DDX52: variants seen among roughly 807,000 people sequenced by gnomAD.
DDX52 encodes probable ATP-dependent RNA helicase DDX52.
Under a neutral mutation model 76.1 loss-of-function variants are expected in DDX52, and 59 were observed. That is an observed-to-expected ratio of 0.78 (90% confidence interval 0.63 to 0.96). DDX52 has a LOEUF of 0.96. Ranked by LOEUF, DDX52 falls within the 40% of genes least tolerant of loss-of-function variation. The pLI is 0.00. For synonymous variants in DDX52, 231 were observed against 244.1 expected (o/e 0.95, Z 0.50); for missense variants, 707 against 703.9 (o/e 1.00, Z -0.05).
chr17:37,643,251 G>T, intron 1 of DDX52, 83 bp downstream of exon 1: 1 of 1,446,612 alleles, frequency 6.9e-7, no homozygotes. Context: ...GTCCAAGTGC[G>T]CCGGCCTCCC....
chr17:37,624,334 A>G lies in DDX52; in HGVS notation c.1227+10T>C. The G allele has an allele frequency of 6.3e-7, 1 of 1,597,830 alleles. No individual in the cohort carries two copies. On this transcript the variant is annotated intron_variant, in intron 9 of 14. Coordinates refer to ENST00000617633, the MANE Select transcript of DDX52 (RefSeq NM_007010.5). The stretch of plus-strand genomic sequence containing the variant: ...CTTTACCAAAATTCAAGAAGGTAAT[A>G]CAAATATACCTTTTTAACAAGTTCT...
rs2064383677 is a variant in DDX52 at position 37,612,861 on chromosome 17, G to A, written c.*1435C>T. On this transcript the variant is annotated 3_prime_UTR_variant, in exon 15 of 15. Transcript: ENST00000617633. ...AGAACTTACTCAAAGTCACACAGCT[G>A]GCAAATGGGTTGCACCAGTATACCT... 1.3e-5 allele frequency: 2 copies of A among 152,128 alleles called. No homozygotes were observed. Among genetic ancestry groups the A allele is most frequent in the African/African-American group, 4.8e-5 (2 of 41,420 alleles). The allele number at this position is 152,128 out of a possible 1,614,324, so 9.4% of individuals were successfully genotyped here. A position where few individuals can be genotyped will look rare whatever the true frequency, so the allele number is the denominator to read the frequency against.
chr17:37,641,228 T>A (rs192299259), intron 2 of DDX52, among the ~76,000 whole-genome samples: 32 of 151,638 alleles, frequency 2.1e-4, no homozygotes, highest in Admixed American at 1.8e-3. Context: ...CGATGAAACC[T>A]GGTCTCTACT....
chr17:37,626,801 T>C lies in DDX52; in HGVS notation c.919A>G (p.Ile307Val). 6.2e-7 allele frequency: 1 copy of C among 1,611,990 alleles called. No individual in the cohort carries two copies. The highest frequency in any genetic ancestry group is 1.1e-5 in the South Asian group (1 of 90,476). ...IYLLKQDPPG[I>V]DLASVEWLVV... ...TATCATCTATACCTTGCTAGGTCGA[T>C]TCCGGGGGGATCTTGCTTTAATAAA... The change falls in exon 7 of 15, where the codon ATC (isoleucine) becomes GTC (valine). Residue 307 changes from isoleucine to valine, a missense_variant. Coordinates refer to ENST00000617633, the MANE Select transcript of DDX52 (RefSeq NM_007010.5).
rs759529612 is a variant in DDX52 at position 37,621,517 on chromosome 17, A to C, written c.1231T>G (p.Phe411Val). ...ACAAAAACAAGAACAGGTGGATTGAAACCCTAAAAGAAGACAAAAATTGGC... is the reference window on the plus strand; with the variant it reads ...ACAAAAACAAGAACAGGTGGATTGACACCCTAAAAGAAGACAAAAATTGGC... ...LAVRELVKKGFNPPVLVFVQS... is the reference protein window; with the variant it reads ...LAVRELVKKGVNPPVLVFVQS... The change falls in exon 10 of 15, where the codon TTC becomes GTC. Residue 411 changes from phenylalanine to valine, a missense_variant. Phe to Val is a conservative substitution (Grantham distance 50). Coordinates refer to ENST00000617633, the MANE Select transcript of DDX52 (RefSeq NM_007010.5). 8 of 1,608,444 alleles carry C rather than the reference A, an allele frequency of 5.0e-6. No homozygotes were observed. In the South Asian group the frequency reaches 9.0e-5, roughly 18 times the overall value.
chr17:37,632,055 G>A (rs1435029561), intron 4 of DDX52, 58 bp downstream of exon 4: 5 of 1,605,676 alleles, frequency 3.1e-6, no homozygotes, highest in Non-Finnish European at 4.3e-6. Flanking sequence ...AGAGGGAAGA[G>A]AATGAGCAAA....
intron 14 of DDX52, among the ~76,000 whole-genome samples, chr17:37,618,060 A>C (rs2029887987): frequency 6.6e-6 from 1 of 152,232 alleles, no homozygotes; most frequent in Admixed American, 6.5e-5. Context: ...GGTTGCAGTG[A>C]GCTGAGATCA....
intron 2 of DDX52, among the ~76,000 whole-genome samples, chr17:37,634,204 C>T (rs1598765202): frequency 6.6e-6 from 1 of 151,866 alleles, no homozygotes; most frequent in African/African-American, 2.4e-5. Flanking sequence ...CCGCCTCGGC[C>T]TCTCACAGTG....
chr17:37,618,362 T>G lies in DDX52; in HGVS notation c.1672A>C (p.Lys558Gln). 1 of 1,587,176 alleles carries G rather than the reference T, an allele frequency of 6.3e-7. No homozygotes were observed. The highest frequency in any genetic ancestry group is 1.2e-5 in the South Asian group (1 of 84,822). ...ATGCTCTCCCTTTCCAATGGTTTCT[T>G]AATCATCTTTTTCTTTTGTTTGCTG... ...LLSKQKKKMI[K>Q]KPLERESIST... Residue 558 changes from lysine to glutamine, a missense_variant, in exon 14 of 15, where the codon AAG (lysine) becomes CAG (glutamine). Physicochemically the swap from Lys to Gln is moderately conservative, Grantham distance 53 (BLOSUM62 1). Transcript: ENST00000617633.
intron 5 of DDX52, 80 bp from the exon 6 acceptor site, chr17:37,628,752 A>T: frequency 3.0e-6 from 3 of 1,004,324 alleles, no homozygotes; most frequent in Non-Finnish European, 2.9e-6. Flanking sequence ...TTAATGAAAT[A>T]AATCTATTAC....
At chr17:37,619,975 T>A in intron 12 of DDX52, 136 bp from the exon 13 acceptor site, 1 of 778,108 alleles carries the variant, frequency 1.3e-6, no homozygotes, top group Non-Finnish European at 2.1e-6. Context: ...TATTATCAAT[T>A]ATTACCTGAT....
chr17:37,630,250 G>A, intron 4 of DDX52, 77 bp from the exon 5 acceptor site: 1 of 1,387,882 alleles, frequency 7.2e-7, no homozygotes, highest in Non-Finnish European at 9.6e-7. Context: ...AACGCTACCA[G>A]CCATAGAAAA....
Position 37,614,172 on chromosome 17 carries a change from T to G in DDX52, c.*124A>C. ...AGGATCATTTATCACCAGTCCCATG[T>G]ACTTGTAGTTGATTTCAAATGTTTG... On this transcript the variant is annotated 3_prime_UTR_variant, in exon 15 of 15. Transcript: ENST00000617633. The G allele has an allele frequency of 3.1e-6, 3 of 961,778 alleles. No homozygotes were observed. The highest frequency in any genetic ancestry group is 4.6e-6 in the Non-Finnish European group (3 of 653,204). 59.6% of individuals were successfully genotyped at this position (961,778 alleles called of 1,614,324 possible).
chr17:37,628,456 T>C (rs1315753827), intron 6 of DDX52, 105 bp downstream of exon 6: 9 of 932,380 alleles, frequency 9.7e-6, no homozygotes, highest in Admixed American at 2.7e-5. Flanking sequence ...TCAAATTTTA[T>C]ACATACATGA....
intron 12 of DDX52, 67 bp downstream of exon 12, chr17:37,620,806 T>C (rs2030044210): frequency 5.7e-6 from 8 of 1,403,954 alleles, no homozygotes; most frequent in East Asian, 2.6e-5. Flanking sequence ...TATCTCTTAA[T>C]TGAATATACA....
chr17:37,641,850 C>A (rs1235436443), intron 2 of DDX52, among the ~76,000 whole-genome samples: 1 of 152,090 alleles, frequency 6.6e-6, no homozygotes, highest in African/African-American at 2.4e-5. Context: ...AGGGTACATA[C>A]CCTTTCACCA....
At position 37,619,928 on chromosome 17, in the gene DDX52, T is replaced by C. The variant is rs2029995860; in HGVS notation, c.1578-89A>G. 6 of 1,267,068 alleles carry C rather than the reference T, an allele frequency of 4.7e-6. No individual in the cohort carries two copies. In the South Asian group the frequency reaches 7.7e-5, roughly 16 times the overall value. 78.5% of individuals were successfully genotyped at this position (1,267,068 alleles called of 1,614,324 possible). A position where few individuals can be genotyped will look rare whatever the true frequency, so the allele number is the denominator to read the frequency against. ...CCCTCTGCACAACCTTACAGGGAAC[T>C]AAAACTACACAAAGTAATCCACAAA... On this transcript the variant is annotated intron_variant, in intron 12 of 14. Transcript: ENST00000617633.
intron 2 of DDX52, among the ~76,000 whole-genome samples, chr17:37,635,863 G>A (rs2030900748): frequency 6.6e-6 from 1 of 152,142 alleles, no homozygotes; most frequent in African/African-American, 2.4e-5. Flanking sequence ...ACTTGGTATG[G>A]TCACTCTTTT....
chr17:37,619,853 C>T lies in DDX52; in HGVS notation c.1578-14G>A. On this transcript the variant is annotated splice_polypyrimidine_tract_variant and intron_variant, in intron 12 of 14. Transcript: ENST00000617633. ...ACATTAGCAACGCTGAAAAAGAAAC[C>T]CATAAACATAAACTTGTATCTTTGC... The T allele has an allele frequency of 1.2e-6, 2 of 1,611,402 alleles. No homozygotes were observed. The highest frequency in any genetic ancestry group is 1.1e-5 in the South Asian group (1 of 90,782).
Sources: allele counts gnomAD v4.1 joint callset (sites outside exome capture counted in the v4.1 genomes callset), GRCh38; gene constraint gnomAD v4.1.1; transcripts MANE v1.5; gene names NCBI Gene and HGNC (gene_info 2026-07-23, HGNC 2026-07-21).